Variants in GALNTL6 observed in about 807,000 individuals in gnomAD.
GALNTL6 encodes polypeptide N-acetylgalactosaminyltransferase-like 6.
In GALNTL6, 46 loss-of-function variants were observed where a neutral mutation model predicts 73.7. The ratio of observed to expected loss-of-function variants is 0.62; its 90% CI spans 0.49 to 0.80. The LOEUF (loss-of-function observed/expected upper bound fraction) is 0.80. GALNTL6 is among the 30% of genes least tolerant of loss of function. The probability of loss-of-function intolerance (pLI) is 0.00; values close to 1 mark genes in which losing one functional copy is unlikely to be tolerated. For missense variants in GALNTL6, 604 were observed against 755.0 expected (o/e 0.80, Z 2.34); for synonymous variants, 259 against 263.7 (o/e 0.98, Z 0.17).
chr4:172,011,084 G>C (rs907735917), intron 2 of GALNTL6, among the ~76,000 whole-genome samples: 5 of 151,996 alleles, frequency 3.3e-5, no homozygotes, highest in Non-Finnish European at 7.4e-5. Flanking sequence ...AAATATATGA[G>C]AACTGTACTA....
chr4:172,848,604 C>A (rs901685901), intron 7 of GALNTL6, among the ~76,000 whole-genome samples: 1 of 152,174 alleles, frequency 6.6e-6, no homozygotes, highest in South Asian at 2.1e-4. Flanking sequence ...AGTTTAAGAC[C>A]TCATCTTGAG....
intron 3 of GALNTL6, among the ~76,000 whole-genome samples, chr4:172,293,755 C>T (rs1739555910): frequency 6.6e-6 from 1 of 151,388 alleles, no homozygotes; most frequent in African/African-American, 2.4e-5. Context: ...CTATACAAAA[C>T]ATTTTGCATA....
intron 5 of GALNTL6, among the ~76,000 whole-genome samples, chr4:172,388,285 C>T (rs995711805): frequency 6.6e-6 from 1 of 152,140 alleles, no homozygotes; most frequent in African/African-American, 2.4e-5. Context: ...GCTATTTTTT[C>T]GTTTTAGAAA....
chr4:172,408,442 T>A (rs1482232091), intron 5 of GALNTL6, among the ~76,000 whole-genome samples: 5 of 151,990 alleles, frequency 3.3e-5, no homozygotes, highest in African/African-American at 1.2e-4. Context: ...AAAATAAATT[T>A]AAAAAATATA....
intron 5 of GALNTL6, among the ~76,000 whole-genome samples, chr4:172,542,025 C>CA (rs1735568924): frequency 1.3e-5 from 2 of 151,684 alleles, no homozygotes; most frequent in African/African-American, 4.8e-5. Flanking sequence ...TTCGTTGTCC[C>CA]AGTCAGGAAA....
chr4:172,216,811 G>A (rs1276814143), intron 2 of GALNTL6, among the ~76,000 whole-genome samples: 25 of 152,002 alleles, frequency 1.6e-4, no homozygotes, highest in South Asian at 2.1e-4. Flanking sequence ...TGGTCGGGGC[G>A]CAGCTTGGTT....
intron 5 of GALNTL6, among the ~76,000 whole-genome samples, chr4:172,482,797 C>T (rs892545824): frequency 1.3e-5 from 2 of 152,178 alleles, no homozygotes; most frequent in African/African-American, 2.4e-5. Flanking sequence ...CCAAGAATGT[C>T]GTCCTAATCA....
At chr4:172,074,070 G>A (rs534246854) in intron 2 of GALNTL6, among the ~76,000 whole-genome samples, 3 of 152,204 alleles carry the variant, frequency 2.0e-5, no homozygotes, top group Admixed American at 2.0e-4. Context: ...AGTTTATTGT[G>A]ACTAATCTCA....
intron 5 of GALNTL6, among the ~76,000 whole-genome samples, chr4:172,440,782 AAAAT>A (rs10568973): frequency 0.82 from 124,834 of 151,458 alleles, 51,811 homozygotes; most frequent in South Asian, 0.87. Flanking sequence ...AACTGCTTTA[AAAAT>A]AAATAAAGTC....
At chr4:172,282,301 G>A (rs963173483) in intron 3 of GALNTL6, among the ~76,000 whole-genome samples, 3 of 152,144 alleles carry the variant, frequency 2.0e-5, no homozygotes, top group African/African-American at 7.2e-5. Flanking sequence ...AGCCATCAGG[G>A]CAAAGCAAAG....
chr4:172,206,966 C>G (rs895768392), intron 2 of GALNTL6, among the ~76,000 whole-genome samples: 2 of 151,188 alleles, frequency 1.3e-5, no homozygotes, highest in African/African-American at 4.9e-5. Flanking sequence ...TACAGGCACC[C>G]ACCACCACGC....
chr4:172,598,893 CT>C (rs1337452864), intron 5 of GALNTL6, among the ~76,000 whole-genome samples: 3 of 152,072 alleles, frequency 2.0e-5, no homozygotes, highest in Non-Finnish European at 1.5e-5. Flanking sequence ...TTATTTCTTT[CT>C]TGTTCAGAAA....
chr4:172,846,942 C>T (rs757019553), intron 7 of GALNTL6, among the ~76,000 whole-genome samples: 20 of 152,034 alleles, frequency 1.3e-4, no homozygotes, highest in African/African-American at 2.9e-4. Context: ...TTCTTTCTCT[C>T]GTCCTCGCTC....
chr4:172,580,581 A>G (rs1316250887), intron 5 of GALNTL6, among the ~76,000 whole-genome samples: 1 of 152,122 alleles, frequency 6.6e-6, no homozygotes, highest in Non-Finnish European at 1.5e-5. Context: ...AAGTGTGCAC[A>G]CCATCTTCTC....
chr4:172,622,383 A>G (rs969493738), intron 5 of GALNTL6, among the ~76,000 whole-genome samples: 1 of 152,224 alleles, frequency 6.6e-6, no homozygotes, highest in Non-Finnish European at 1.5e-5. Context: ...ACAGAAAAAA[A>G]TTATGTAAGA....
chr4:172,554,127 A>T (rs902607861), intron 5 of GALNTL6, among the ~76,000 whole-genome samples: 1 of 152,184 alleles, frequency 6.6e-6, no homozygotes, highest in African/African-American at 2.4e-5. Flanking sequence ...AAGAGGATTT[A>T]TCATTTCCCA....
intron 2 of GALNTL6, among the ~76,000 whole-genome samples, chr4:172,048,421 C>T (rs1407548409): frequency 6.6e-6 from 1 of 152,116 alleles, no homozygotes; most frequent in African/African-American, 2.4e-5. Context: ...AAGCAAAACT[C>T]ATAAGCACAG....
chr4:171,883,276 T>C (rs1223665791), intron 2 of GALNTL6, among the ~76,000 whole-genome samples: 1 of 152,038 alleles, frequency 6.6e-6, no homozygotes, highest in Non-Finnish European at 1.5e-5. Flanking sequence ...TGCTTGAACC[T>C]GGGAGGAGGA....
chr4:172,076,964 A>C (rs1731718334), intron 2 of GALNTL6, among the ~76,000 whole-genome samples: 1 of 152,188 alleles, frequency 6.6e-6, no homozygotes, highest in Non-Finnish European at 1.5e-5. Flanking sequence ...ATGGTTTAAA[A>C]GTGTATGGCA....
Sources: gnomAD v4.1 joint callset for allele counts (sites outside exome capture counted in the v4.1 genomes callset) on GRCh38, gnomAD v4.1.1 for gene constraint, MANE v1.5 for transcripts, NCBI Gene and HGNC (gene_info 2026-07-23, HGNC 2026-07-21) for gene names.